The following GABRA4 variants were observed in gnomAD, a reference collection of about 807,000 sequenced individuals.
The protein encoded by GABRA4 is gamma-aminobutyric acid receptor subunit alpha-4.
GABRA4 carries 12 observed loss-of-function variants against 49.7 expected under a neutral mutation model. The observed-to-expected ratio is 0.24, with a 90% confidence interval of 0.15 to 0.39. The LOEUF (loss-of-function observed/expected upper bound fraction) is 0.39. Ranked by LOEUF, GABRA4 falls within the 10% of genes least tolerant of loss-of-function variation. The pLI is 1.00. For missense variants in GABRA4, 506 were observed against 686.0 expected, an observed-to-expected ratio of 0.74 and a Z score of 2.93; for synonymous variants, 288 against 240.2, an observed-to-expected ratio of 1.20 and a Z score of -1.84.
Position 46,971,208 on chromosome 4 carries a change from A to T in GABRA4, c.749T>A (p.Phe250Tyr). Residue 250 changes from phenylalanine (F) to tyrosine (Y), a missense_variant, in exon 7 of 9, where the codon TTC (phenylalanine) becomes TAC (tyrosine). Phe to Tyr is a conservative substitution (Grantham distance 22, BLOSUM62 3). Coordinates refer to ENST00000264318, the MANE Select transcript of GABRA4 (RefSeq NM_000809.4). ...ATAACCCATCTTCCGTCTGAGGTGG[A>T]AGTAAACCGTCATAACAATATATTC... ...TGEYIVMTVY[F>Y]HLRRKMGYFM... The T allele has an allele frequency of 6.2e-7, 1 of 1,609,754 alleles. No individual in the cohort carries two copies. The highest frequency in any genetic ancestry group is 2.2e-5 in the East Asian group (1 of 44,702).
intron 2 of GABRA4, among the ~76,000 whole-genome samples, chr4:46,988,245 T>G (rs915531259): frequency 1.3e-5 from 2 of 152,180 alleles, no homozygotes; most frequent in African/African-American, 4.8e-5. Context: ...CATTTTCATG[T>G]AATTATTTTA....
chr4:46,957,598 T>C (rs1207032875), intron 8 of GABRA4, among the ~76,000 whole-genome samples: 2 of 151,994 alleles, frequency 1.3e-5, no homozygotes, highest in African/African-American at 4.8e-5. Context: ...TCTCCACTTA[T>C]CTAAACTTGA....
At chr4:46,971,910 T>C (rs1165836192) in intron 6 of GABRA4, among the ~76,000 whole-genome samples, 3 of 150,638 alleles carry the variant, frequency 2.0e-5, no homozygotes, top group African/African-American at 7.3e-5. Context: ...GACAAAAACC[T>C]GAAAAACTAA....
chr4:46,987,576 T>C (rs1020927954), intron 2 of GABRA4, among the ~76,000 whole-genome samples: 27 of 152,122 alleles, frequency 1.8e-4, no homozygotes, highest in African/African-American at 6.0e-4. Flanking sequence ...TGAAAAGTCA[T>C]TTTTTACTTC....
chr4:46,971,027 A>C (rs182059574), intron 7 of GABRA4, 56 bp downstream of exon 7: 20 of 1,506,410 alleles, frequency 1.3e-5, no homozygotes, highest in Non-Finnish European at 1.8e-5. Flanking sequence ...ATATCCCATG[A>C]ATCATGAATA....
In GABRA4 at chr4:46,989,240, G is replaced by A. The variant is rs140502291; in HGVS notation, c.205+3588C>T. ...TTCCTAAACCATTTCCTGGTAGTTAGTAAATACCTTAGCAATGCATTTTTG... is the reference window on the plus strand; with the variant it reads ...TTCCTAAACCATTTCCTGGTAGTTAATAAATACCTTAGCAATGCATTTTTG... On this transcript the variant is annotated intron_variant, in intron 2 of 8. Coordinates refer to ENST00000264318, the MANE Select transcript of GABRA4 (RefSeq NM_000809.4). Among the ~76,000 whole-genome samples the A allele has an allele frequency of 5.8e-3, 889 of 152,298 alleles. 5 individuals are homozygous for A. The highest frequency in any genetic ancestry group is 0.031 in the Middle Eastern group (9 of 294).
chr4:46,948,830 G>A (rs943799252), intron 8 of GABRA4, among the ~76,000 whole-genome samples: 1 of 151,946 alleles, frequency 6.6e-6, no homozygotes, highest in Non-Finnish European at 1.5e-5. Context: ...GATCCCAGCA[G>A]GTGGAATAAA....
chr4:46,970,224 T>A (rs1441175123), intron 7 of GABRA4, among the ~76,000 whole-genome samples: 1 of 151,396 alleles, frequency 6.6e-6, no homozygotes, highest in Non-Finnish European at 1.5e-5. Flanking sequence ...TAAAGGATAT[T>A]ATACCATGGC....
chr4:46,943,079 G>C (rs1721872641), intron 8 of GABRA4, among the ~76,000 whole-genome samples: 1 of 151,962 alleles, frequency 6.6e-6, no homozygotes, highest in African/African-American at 2.4e-5. Flanking sequence ...CTTGGCTCTG[G>C]TAATAGGAGA....
At chr4:46,971,333 G>A in intron 6 of GABRA4, 98 bp from the exon 7 acceptor site, 1 of 1,116,514 alleles carries the variant, frequency 9.0e-7, no homozygotes, top group Non-Finnish European at 1.3e-6. Context: ...GGATTCTAAG[G>A]AAAGAAATTC....
At chr4:46,938,685 A>G (rs1390492047) in intron 8 of GABRA4, among the ~76,000 whole-genome samples, 9 of 152,080 alleles carry the variant, frequency 5.9e-5, no homozygotes, top group Non-Finnish European at 1.5e-5. Flanking sequence ...AATAACTGTA[A>G]TAGATCTATT....
chr4:46,946,624 C>G (rs372185528), intron 8 of GABRA4, among the ~76,000 whole-genome samples: 1 of 152,046 alleles, frequency 6.6e-6, no homozygotes, highest in Non-Finnish European at 1.5e-5. Flanking sequence ...CAACATTCTG[C>G]GAATAGGAAA....
At chr4:46,993,070 G>T in intron 1 of GABRA4, 124 bp from the exon 2 acceptor site, 1 of 777,232 alleles carries the variant, frequency 1.3e-6, no homozygotes. Context: ...AGGAGAGGAG[G>T]TTGGGGGTTG....
Position 46,937,316 on chromosome 4 carries a change from T to C in GABRA4, c.1135-8561A>G, listed in dbSNP as rs560350108. 1.7e-4 allele frequency among the ~76,000 whole-genome samples: 26 copies of C among 152,342 alleles called. 1 individual carries two copies. The South Asian group carries it at 3.1e-3, about 18-fold the overall frequency. On this transcript the variant is annotated intron_variant, in intron 8 of 8. Coordinates refer to ENST00000264318, the MANE Select transcript of GABRA4 (RefSeq NM_000809.4). ...TCCAGAACTGTGAGAAATAAATTTC[T>C]ATTGTTTAAGCTAGCCTGTCTGTGC...
At chr4:46,930,691 T>G (rs1721396967) in intron 8 of GABRA4, among the ~76,000 whole-genome samples, 1 of 151,878 alleles carries the variant, frequency 6.6e-6, no homozygotes, top group Non-Finnish European at 1.5e-5. Flanking sequence ...TTCAGTCAGT[T>G]AGGTTGTCCA....
At chr4:46,984,019 G>A (rs1240842716) in intron 2 of GABRA4, among the ~76,000 whole-genome samples, 1 of 151,972 alleles carries the variant, frequency 6.6e-6, no homozygotes, top group African/African-American at 2.4e-5. Context: ...AAAGAGGGAA[G>A]GCAATTAACG....
chr4:46,979,194 A>G (rs1487492070), intron 2 of GABRA4, 96 bp from the exon 3 acceptor site: 1 of 721,668 alleles, frequency 1.4e-6, no homozygotes, highest in African/African-American at 1.8e-5. Flanking sequence ...GATATGATAT[A>G]TCATGTTTTT....
Position 46,924,785 on chromosome 4 carries a change from A to G in GABRA4, c.*3440T>C, listed in dbSNP as rs1338423447. 1.3e-5 allele frequency: 2 copies of G among 152,060 alleles called. No homozygotes were observed. Among genetic ancestry groups the G allele is most frequent in the African/African-American group, 2.4e-5 (1 of 41,450 alleles). 9.4% of individuals were successfully genotyped at this position (152,060 alleles called of 1,614,324 possible). A position where few individuals can be genotyped will look rare whatever the true frequency, so the allele number is the denominator to read the frequency against. On this transcript the variant is annotated 3_prime_UTR_variant, in exon 9 of 9. Transcript: ENST00000264318. The stretch of plus-strand genomic sequence containing the variant: ...TCAAAGTATTCAGTGTTTTTCTTAC[A>G]AGAGTATGCTTGTATTTACTATGAG...
chr4:46,989,639 A>T (rs1723673625), intron 2 of GABRA4, among the ~76,000 whole-genome samples: 1 of 152,202 alleles, frequency 6.6e-6, no homozygotes, highest in Non-Finnish European at 1.5e-5. Context: ...TTCCAAATCT[A>T]TTTCAACCCC....
Sources: gnomAD v4.1 joint callset for allele counts (sites outside exome capture counted in the v4.1 genomes callset) on GRCh38, gnomAD v4.1.1 for gene constraint, MANE v1.5 for transcripts, NCBI Gene and HGNC (gene_info 2026-07-23, HGNC 2026-07-21) for gene names.